ZNF536: variants seen among roughly 807,000 people sequenced by gnomAD.
ZNF536 encodes the protein zinc finger protein 536.
In ZNF536, 13 loss-of-function variants were observed where a neutral mutation model predicts 84.5. That is an observed-to-expected ratio of 0.15 (90% CI 0.10 to 0.24). The LOEUF (loss-of-function observed/expected upper bound fraction) is 0.24, where lower values mean the gene tolerates loss of function less well. Among genes scored for constraint, ZNF536 ranks in the 10% least tolerant of loss-of-function variants. The pLI is 1.00. For missense variants in ZNF536, 1,536 were observed against 1,747.5 expected, an observed-to-expected ratio of 0.88 and a Z score of 2.16; for synonymous variants, 811 against 742.5, an observed-to-expected ratio of 1.09 and a Z score of -1.50.
intron 4 of ZNF536, among the ~76,000 whole-genome samples, chr19:30,552,332 T>C (rs1194722626): frequency 1.3e-5 from 2 of 152,162 alleles, no homozygotes; most frequent in Admixed American, 6.5e-5. Flanking sequence ...TGAGGGCTGG[T>C]TTTGTCTGGT....
chr19:30,416,058 T>A (rs920409643), intron 1 of ZNF536, among the ~76,000 whole-genome samples: 32 of 152,246 alleles, frequency 2.1e-4, no homozygotes, highest in African/African-American at 7.7e-4. Flanking sequence ...TTTCACATGA[T>A]CTTTCATGTC....
chr19:30,448,447 G>A (rs1408772335), intron 2 of ZNF536, among the ~76,000 whole-genome samples: 3 of 152,142 alleles, frequency 2.0e-5, no homozygotes, highest in Non-Finnish European at 4.4e-5. Flanking sequence ...GTGAAGGAGA[G>A]AGAGAGAAAA....
chr19:30,236,346 T>C (rs1406017478), intron 1 of ZNF536, among the ~76,000 whole-genome samples: 1 of 152,196 alleles, frequency 6.6e-6, no homozygotes, highest in Non-Finnish European at 1.5e-5. Context: ...AGCCAGACAC[T>C]CCATCTGCAA....
At chr19:30,673,827 G>A (rs1485663887) in intron 1 of ZNF536, among the ~76,000 whole-genome samples, 4 of 152,166 alleles carry the variant, frequency 2.6e-5, no homozygotes, top group Admixed American at 6.5e-5. Flanking sequence ...TTTCTCCTAC[G>A]TTGTCATTTT....
chr19:30,509,355 T>C (rs934504159), intron 2 of ZNF536, among the ~76,000 whole-genome samples: 7 of 148,286 alleles, frequency 4.7e-5, no homozygotes, highest in African/African-American at 1.5e-4. Flanking sequence ...TAATTACATA[T>C]GTATTACACA....
chr19:30,522,274 C>CATATAT lies in ZNF536; in HGVS notation c.2171-12569_2171-12564dup, dbSNP rs1281085007. The stretch of plus-strand genomic sequence containing the variant: ...CTGGATATATATACATATATATATA[C>CATATAT]ATATATATAATATATATATAATTTT... On this transcript the variant is annotated intron_variant, in intron 2 of 4. Coordinates refer to ENST00000355537, the MANE Select transcript of ZNF536 (RefSeq NM_014717.3). Among the ~76,000 whole-genome samples the CATATAT allele has an allele frequency of 0.018, 128 of 7,314 alleles. 16 individuals are homozygous for CATATAT. In the Middle Eastern group the frequency reaches 0.21, roughly 12 times the overall value. The allele number at this position is 7,314 out of a possible 152,430, so 4.8% of individuals were successfully genotyped here.
At chr19:30,707,384 T>C (rs2052285542) in intron 1 of ZNF536, among the ~76,000 whole-genome samples, 1 of 152,166 alleles carries the variant, frequency 6.6e-6, no homozygotes, top group Non-Finnish European at 1.5e-5. Flanking sequence ...GTCCCAGTTG[T>C]CCTTCGCCTC....
At chr19:30,656,274 T>C (rs2049910736) in intron 1 of ZNF536, among the ~76,000 whole-genome samples, 1 of 152,224 alleles carries the variant, frequency 6.6e-6, no homozygotes, top group Admixed American at 6.5e-5. Flanking sequence ...ATGAATTTAA[T>C]TCTTTTCTAA....
intron 1 of ZNF536, among the ~76,000 whole-genome samples, chr19:30,640,746 C>A (rs2049239742): frequency 1.3e-5 from 2 of 152,250 alleles, no homozygotes; most frequent in Non-Finnish European, 2.9e-5. Context: ...GGCAAGCTTA[C>A]AGTTTCACAG....
rs550483362 is a variant in ZNF536 at position 30,240,386 on chromosome 19, A to G, written c.-190+11713A>G. On this transcript the variant is annotated intron_variant, in intron 1 of 5. Coordinates refer to the ZNF536 transcript ENST00000585628. ...AGACTCTATCTCAGAAAAAAAAAAA[A>G]TCCAAGGAACTGGCTTTGCTGGGCC... Among the ~76,000 whole-genome samples the G allele has an allele frequency of 1.7e-3, 252 of 151,528 alleles. 1 individual carries two copies. The highest frequency in any genetic ancestry group is 5.6e-3 in the African/African-American group (231 of 41,266).
In ZNF536 at chr19:30,445,471, G is replaced by A. The variant is rs1392485761; in HGVS notation, c.1909G>A (p.Gly637Ser). The A allele has an allele frequency of 4.3e-6, 7 of 1,614,142 alleles. No homozygotes were observed. Among genetic ancestry groups the A allele is most frequent in the South Asian group, 1.1e-5 (1 of 91,072 alleles). Reference sequence around the variant, plus strand: ...GAAGCCCACCGAGTGCCCCGACTGCGGCCGGGTGTTCCGCACTTACCACCA... The same window carrying A: ...GAAGCCCACCGAGTGCCCCGACTGCAGCCGGGTGTTCCGCACTTACCACCA... Reference protein sequence around the residue: ...KEKPTECPDCGRVFRTYHQVV... With the variant: ...KEKPTECPDCSRVFRTYHQVV... The change falls in exon 2 of 5, where the codon GGC (glycine) becomes AGC (serine). Residue 637 changes from glycine to serine, a missense_variant. By Grantham distance (56) the Gly-to-Ser change is moderately conservative (BLOSUM62 0). Around this residue, in one of 8 missense-constraint regions of ZNF536, gnomAD observed 366 missense variants for 364.4 expected, o/e 1.00. Transcript: ENST00000355537. This position sits in a 1 kb window ranked among gnomAD's most constrained non-coding sequence, Gnocchi z 4.5.
intron 2 of ZNF536, among the ~76,000 whole-genome samples, chr19:30,294,251 G>T (rs1219767705): frequency 6.6e-6 from 1 of 152,150 alleles, no homozygotes; most frequent in Non-Finnish European, 1.5e-5. Flanking sequence ...ATTTGCTGAG[G>T]TGGCCGTGAA....
At chr19:30,694,052 C>G (rs571872101) in intron 1 of ZNF536, among the ~76,000 whole-genome samples, 1 of 152,238 alleles carries the variant, frequency 6.6e-6, no homozygotes, top group East Asian at 1.9e-4. Context: ...GTGAATTATC[C>G]ACAGATAACC....
chr19:30,509,527 T>C (rs547815833), intron 2 of ZNF536, among the ~76,000 whole-genome samples: 115 of 148,998 alleles, frequency 7.7e-4, no homozygotes, highest in Non-Finnish European at 1.3e-3. Context: ...AATTTATATA[T>C]AGTAACATAT....
rs2146215282 is a variant in ZNF536, at chr19:30,548,738, A to C, written c.3119A>C (p.Asn1040Thr). 6.2e-7 allele frequency: 1 copy of C among 1,613,956 alleles called. No homozygotes were observed. Among genetic ancestry groups the C allele is most frequent in the South Asian group, 1.1e-5 (1 of 91,078 alleles). ...GATAACACCATCGGGGTCACAGTCA[A>C]CTGCAAAGACCAAGCCCGGGAGGCG... ...RKDNTIGVTV[N>T]CKDQAREASK... The change falls in exon 4 of 5, where the codon AAC becomes ACC. Residue 1040 changes from asparagine to threonine, a missense_variant. Transcript: ENST00000355537.
intron 1 of ZNF536, among the ~76,000 whole-genome samples, chr19:30,692,629 C>A (rs1432693654): frequency 1.3e-5 from 2 of 152,246 alleles, no homozygotes; most frequent in Non-Finnish European, 2.9e-5. Context: ...AAATCCGTCA[C>A]GTCTTTTCTC....
chr19:30,540,156 T>G (rs924467393), intron 3 of ZNF536, among the ~76,000 whole-genome samples: 1 of 152,062 alleles, frequency 6.6e-6, no homozygotes, highest in African/African-American at 2.4e-5. Flanking sequence ...CACGAGGGGT[T>G]CAGCATTGGG....
chr19:30,617,927 G>A (rs2048360555), intron 1 of ZNF536, among the ~76,000 whole-genome samples: 1 of 152,100 alleles, frequency 6.6e-6, no homozygotes, highest in Non-Finnish European at 1.5e-5. Flanking sequence ...AGCAAAATGT[G>A]GTCTATTGCG....
rs1329582030 is a variant in ZNF536 at position 30,445,744 on chromosome 19, G to A, written c.2170+12G>A. 7.8e-6 allele frequency: 12 copies of A among 1,532,670 alleles called. No individual in the cohort carries two copies. Among genetic ancestry groups the A allele is most frequent in the Non-Finnish European group, 1.1e-5 (12 of 1,140,622 alleles). 94.9% of individuals were successfully genotyped at this position (1,532,670 alleles called of 1,614,324 possible). A position where few individuals can be genotyped will look rare whatever the true frequency, so the allele number is the denominator to read the frequency against. ...GCCATCCTCCTCAGGTAGGTTAGCT[G>A]AGAAGCGGGGAGAAGCAGCTTGTAC... is the stretch of plus-strand genomic sequence containing the variant. On this transcript the variant is annotated intron_variant, in intron 2 of 4. Coordinates refer to ENST00000355537, the MANE Select transcript of ZNF536 (RefSeq NM_014717.3). The surrounding 1 kb of genome is among the most constrained non-coding windows in gnomAD (Gnocchi z 4.5).
Sources: allele counts gnomAD v4.1 joint callset (sites outside exome capture counted in the v4.1 genomes callset), GRCh38; gene constraint gnomAD v4.1.1; regional missense constraint gnomAD v4.1.1; non-coding constraint Gnocchi (gnomAD v3.1); transcripts MANE v1.5; gene names NCBI Gene and HGNC (gene_info 2026-07-23, HGNC 2026-07-21).